Variants in PLEKHG4B observed in about 807,000 individuals in gnomAD.
The protein encoded by PLEKHG4B is pleckstrin homology and RhoGEF domain containing G4B, also known as pleckstrin homology domain-containing family G member 4B.
In PLEKHG4B, 111 loss-of-function variants were observed where a neutral mutation model predicts 121.3. The ratio of observed to expected loss-of-function variants is 0.92; its 90% CI spans 0.78 to 1.07. The LOEUF is 1.07. PLEKHG4B is among the 50% of genes least tolerant of loss of function. The probability of loss-of-function intolerance (pLI) is 0.00; values close to 1 mark genes in which losing one functional copy is unlikely to be tolerated. For missense variants in PLEKHG4B, 1,831 were observed against 1,757.8 expected (o/e 1.04, Z -0.74); for synonymous variants, 738 against 725.0 (o/e 1.02, Z -0.29).
chr5:99,487 T>G (rs1733738597), intron 1 of PLEKHG4B, among the ~76,000 whole-genome samples: 1 of 152,068 alleles, frequency 6.6e-6, no homozygotes, highest in Non-Finnish European at 1.5e-5. Flanking sequence ...AGGTATTTAA[T>G]TCTTTTAGAT....
intron 2 of PLEKHG4B, among the ~76,000 whole-genome samples, chr5:119,480 G>T (rs1234460029): frequency 6.6e-6 from 1 of 152,106 alleles, no homozygotes; most frequent in Non-Finnish European, 1.5e-5. Context: ...CAAGGAAATT[G>T]TCAAAATATT....
chr5:93,203 A>G (rs73018536), intron 1 of PLEKHG4B, among the ~76,000 whole-genome samples: 6,369 of 152,210 alleles, frequency 0.042, 429 homozygotes, highest in African/African-American at 0.14. Context: ...ACTGAGCCTT[A>G]GGCAGCTGGG....
At chr5:147,461 C>T (rs1372934362) in intron 6 of PLEKHG4B, among the ~76,000 whole-genome samples, 1 of 152,176 alleles carries the variant, frequency 6.6e-6, no homozygotes, top group East Asian at 1.9e-4. Flanking sequence ...CCAGAGGTTA[C>T]CTGGGCACAA....
chr5:107,193 C>G (rs951821435), intron 1 of PLEKHG4B, among the ~76,000 whole-genome samples: 3 of 152,204 alleles, frequency 2.0e-5, no homozygotes, highest in African/African-American at 7.2e-5. Context: ...AGGTGCCAGC[C>G]CTGCTGAGGC....
intron 2 of PLEKHG4B, among the ~76,000 whole-genome samples, chr5:128,754 A>G (rs1257245193): frequency 6.6e-6 from 1 of 152,178 alleles, no homozygotes; most frequent in Non-Finnish European, 1.5e-5. Context: ...CTCCTACTCC[A>G]CCATCTTCCC....
chr5:162,002 C>G, intron 12 of PLEKHG4B, 58 bp downstream of exon 12: 2 of 1,518,976 alleles, frequency 1.3e-6, no homozygotes, highest in South Asian at 2.6e-5. Flanking sequence ...CTGTGGACAT[C>G]TAGCAAGTGC....
chr5:171,169 G>A (rs1736534306), intron 15 of PLEKHG4B, 37 bp downstream of exon 15: 1 of 1,606,592 alleles, frequency 6.2e-7, no homozygotes, highest in Admixed American at 1.7e-5. Flanking sequence ...AGCCTGCCCG[G>A]CCCTCAGCCA....
chr5:155,822 G>A (rs1735757730), intron 9 of PLEKHG4B, among the ~76,000 whole-genome samples: 1 of 152,076 alleles, frequency 6.6e-6, no homozygotes, highest in South Asian at 2.1e-4. Context: ...GTCTGTCCCT[G>A]GTCTAAATGG....
In PLEKHG4B at chr5:139,046, AGCACCGGGAGT is replaced by A. The variant is rs1418276222; in HGVS notation, c.244-433_244-423del. On this transcript the variant is annotated intron_variant, in intron 2 of 19. Transcript: ENST00000637938. The surrounding 1 kb of genome is among the most constrained non-coding windows in gnomAD (Gnocchi z 5.0). ...CCTGCAGCAGCCGGGAGCCACAGGG[AGCACCGGGAGT>A]GCAGAGGAGGGAGCCCCCCATAGGG... Among the ~76,000 whole-genome samples, 3 of 152,194 alleles carry A rather than the reference AGCACCGGGAGT, an allele frequency of 2.0e-5. No individual in the cohort carries two copies. The East Asian group carries it at 5.8e-4, about 29-fold the overall frequency.
In PLEKHG4B at chr5:159,709, G is replaced by A. The variant is rs772294755; in HGVS notation, c.2488-2074G>A. Among the ~76,000 whole-genome samples, 66 of 152,136 alleles carry A rather than the reference G, an allele frequency of 4.3e-4. No individual in the cohort carries two copies. Among genetic ancestry groups the A allele is most frequent in the Non-Finnish European group, 7.5e-4 (51 of 68,026 alleles). On this transcript the variant is annotated intron_variant, in intron 11 of 19. Coordinates refer to ENST00000637938, the MANE Select transcript of PLEKHG4B (RefSeq NM_052909.5). The surrounding 1 kb of genome is among the most constrained non-coding windows in gnomAD (Gnocchi z 5.5). ...GCATCTTTAGCATTTTCTCCCTGGC[G>A]GTCTGATTCTTTTCCTCTAATCCCG... is the stretch of plus-strand genomic sequence containing the variant.
intron 6 of PLEKHG4B, among the ~76,000 whole-genome samples, chr5:149,150 T>C (rs1052548494): frequency 6.6e-6 from 1 of 152,190 alleles, no homozygotes; most frequent in African/African-American, 2.4e-5. Flanking sequence ...TTTTCTAACA[T>C]TGGATTTGGC....
chr5:176,397 T>C (rs930620334), intron 18 of PLEKHG4B, among the ~76,000 whole-genome samples: 1 of 152,250 alleles, frequency 6.6e-6, no homozygotes, highest in South Asian at 2.1e-4. Context: ...AAGTAGGCCC[T>C]GCCAGCCTTG....
At chr5:155,640 G>A (rs575713853) in intron 9 of PLEKHG4B, among the ~76,000 whole-genome samples, 197 bp downstream of exon 9, 24 of 152,180 alleles carry the variant, frequency 1.6e-4, no homozygotes, top group East Asian at 1.2e-3. Context: ...CATCCCACCC[G>A]ACCCAGAAGG....
chr5:147,667 T>C (rs1735463856), intron 6 of PLEKHG4B, among the ~76,000 whole-genome samples: 1 of 152,244 alleles, frequency 6.6e-6, no homozygotes. Context: ...TAAAACTTTT[T>C]ACAAGCATGT....
At position 183,597 on chromosome 5, in the gene PLEKHG4B, C is replaced by T. The variant is rs1733500821; in HGVS notation, c.*1274C>T. 2 of 152,242 alleles carry T rather than the reference C, an allele frequency of 1.3e-5. No individual in the cohort carries two copies. 9.4% of individuals were successfully genotyped at this position (152,242 alleles called of 1,614,324 possible). A position where few individuals can be genotyped will look rare whatever the true frequency, so the allele number is the denominator to read the frequency against. On this transcript the variant is annotated 3_prime_UTR_variant, in exon 20 of 20. Transcript: ENST00000637938. ...CTAAAAATACAAAAAATTAGCCGGG[C>T]ATGGTGTTGGCCGCCTGTAGTCCCA...
chr5:112,454 C>T lies in PLEKHG4B; in HGVS notation c.46-797C>T, dbSNP rs1734185841. Among the ~76,000 whole-genome samples, 2 of 152,340 alleles carry T rather than the reference C, an allele frequency of 1.3e-5. 1 individual carries two copies. The highest frequency in any genetic ancestry group is 4.1e-4 in the South Asian group (2 of 4,826). On this transcript the variant is annotated intron_variant, in intron 1 of 19. Coordinates refer to ENST00000637938, the MANE Select transcript of PLEKHG4B (RefSeq NM_052909.5). ...CACAATTTTTAGCTTCTTTGGCTTT[C>T]ACTGCCTTGCAGTTCTTTTCTACAG...
chr5:184,658 T>C lies in PLEKHG4B; in HGVS notation c.*2335T>C, dbSNP rs906422103. On this transcript the variant is annotated 3_prime_UTR_variant, in exon 20 of 20. Coordinates refer to ENST00000637938, the MANE Select transcript of PLEKHG4B (RefSeq NM_052909.5). ...TTAAATCCCTTTAGCCCATCTCCCA[T>C]TTGCCCCAAGGAATGAGTGCTGGCA... 1.3e-5 allele frequency: 2 copies of C among 152,238 alleles called. No homozygotes were observed. The highest frequency in any genetic ancestry group is 2.9e-5 in the Non-Finnish European group (2 of 68,044). 9.4% of individuals were successfully genotyped at this position (152,238 alleles called of 1,614,324 possible). A position where few individuals can be genotyped will look rare whatever the true frequency, so the allele number is the denominator to read the frequency against.
intron 6 of PLEKHG4B, among the ~76,000 whole-genome samples, chr5:149,528 G>C (rs1321411792): frequency 6.6e-6 from 1 of 150,978 alleles, no homozygotes; most frequent in African/African-American, 2.5e-5. Context: ...ATGACAGAGA[G>C]AGACCCCGTC....
At chr5:111,642 T>C (rs560867083) in intron 1 of PLEKHG4B, among the ~76,000 whole-genome samples, 3 of 151,694 alleles carry the variant, frequency 2.0e-5, no homozygotes, top group South Asian at 2.1e-4. Flanking sequence ...TCCTGCAGAA[T>C]ACGTCTCTCC....
Sources: gnomAD v4.1 joint callset for allele counts (sites outside exome capture counted in the v4.1 genomes callset) on GRCh38, gnomAD v4.1.1 for gene constraint, Gnocchi (gnomAD v3.1) non-coding constraint, MANE v1.5 for transcripts, NCBI Gene and HGNC (gene_info 2026-07-23, HGNC 2026-07-21) for gene names.